Variants in FANCM observed in about 807,000 individuals in gnomAD.
FANCM encodes FA complementation group M.
In FANCM, 140 loss-of-function variants were observed where a neutral mutation model predicts 199.5. That is an observed-to-expected ratio of 0.70 (90% CI 0.61 to 0.81). The LOEUF (loss-of-function observed/expected upper bound fraction) is 0.81. Among genes scored for constraint, FANCM ranks in the 30% least tolerant of loss-of-function variants. The probability of loss-of-function intolerance (pLI) is 0.00; values close to 1 mark genes in which losing one functional copy is unlikely to be tolerated. For synonymous variants in FANCM, 840 were observed against 836.8 expected (o/e 1.00, Z -0.07); for missense variants, 2,410 against 2,421.4 (o/e 1.00, Z 0.10).
chr14:45,146,168 GAGGC>G (rs1566728811), intron 3 of FANCM, among the ~76,000 whole-genome samples: 1 of 150,550 alleles, frequency 6.6e-6, no homozygotes, highest in East Asian at 2.0e-4. Context: ...GTGAACCCGG[GAGGC>G]AGAGCTTGCA....
chr14:45,179,996 C>A (rs980083120), intron 14 of FANCM, among the ~76,000 whole-genome samples: 3 of 152,150 alleles, frequency 2.0e-5, no homozygotes, highest in Non-Finnish European at 2.9e-5. Context: ...CCTACAATTT[C>A]TTTGAGGCTC....
rs2139235396 is a variant in FANCM, at chr14:45,173,208, G to A, written c.2314G>A (p.Glu772Lys). Residue 772 changes from glutamate (E) to lysine (K), a missense_variant and splice_region_variant, in exon 13 of 23, where the codon GAG (glutamate) becomes AAG (lysine). Glu to Lys is a moderately conservative substitution (Grantham distance 56). Transcript: ENST00000267430. ...MQMIEGMRHE[E>K]GECSYELEVE... ...AATGATAGAGGGAATGAGACACGAA[G>A]AGGTGGGGTTTTATTGTAACTTTCT... 6.2e-7 allele frequency: 1 copy of A among 1,613,578 alleles called. No individual in the cohort carries two copies. Among genetic ancestry groups the A allele is most frequent in the Non-Finnish European group, 8.5e-7 (1 of 1,179,576 alleles).
rs1890057881 is a variant in FANCM, at chr14:45,196,384, T to C, written c.5553T>C (p.Asn1851=). Residue 1851 remains asparagine, a synonymous_variant, in exon 21 of 23, where the codon AAT becomes AAC. Coordinates refer to ENST00000267430, the MANE Select transcript of FANCM (RefSeq NM_020937.4). ...HGLQVEVCPL[N]GCDYIVSNRM... is the part of the protein sequence containing the mutation. The stretch of plus-strand genomic sequence containing the variant: ...TGCAAGTAGAAGTTTGTCCTCTTAA[T>C]GGCTGTGATTACATCGTGAGTAATC... The C allele has an allele frequency of 6.2e-7, 1 of 1,614,020 alleles. No individual in the cohort carries two copies. Among genetic ancestry groups the C allele is most frequent in the Admixed American group, 1.7e-5 (1 of 59,996 alleles).
chr14:45,198,995 T>C (rs746185163), intron 22 of FANCM, 60 bp downstream of exon 22: 87 of 1,364,192 alleles, frequency 6.4e-5, no homozygotes, highest in Non-Finnish European at 8.4e-5. Flanking sequence ...AAGCATTCCA[T>C]AGAAGTTTAA....
intron 20 of FANCM, among the ~76,000 whole-genome samples, chr14:45,194,504 C>A (rs1036086899): frequency 4.6e-4 from 70 of 152,130 alleles, no homozygotes; most frequent in Non-Finnish European, 8.4e-4. Flanking sequence ...CATACTTTAT[C>A]CCATCTTGAT....
At chr14:45,174,131 T>C (rs1272966185) in intron 13 of FANCM, among the ~76,000 whole-genome samples, 5 of 151,768 alleles carry the variant, frequency 3.3e-5, no homozygotes, top group Admixed American at 2.0e-4. Context: ...CTCATGCCTG[T>C]AATCTCAGGC....
Position 45,167,153 on chromosome 14 carries a change from C to G in FANCM, c.1992C>G (p.Ser664=). Residue 664 remains serine (S), a synonymous_variant, in exon 11 of 23, where the codon TCC becomes TCG. Coordinates refer to ENST00000267430, the MANE Select transcript of FANCM (RefSeq NM_020937.4). ...RNLQRKSSIF[S]YRDGMRQSSL... ...TGCAGCGAAAGTCATCTATCTTTTC[C>G]TATAGGGATGGTAAATAAATTTTGC... 2 of 1,603,956 alleles carry G rather than the reference C, an allele frequency of 1.2e-6. No homozygotes were observed. The highest frequency in any genetic ancestry group is 1.7e-6 in the Non-Finnish European group (2 of 1,170,834).
intron 3 of FANCM, among the ~76,000 whole-genome samples, chr14:45,142,414 C>T (rs980868150): frequency 4.0e-5 from 6 of 151,154 alleles, no homozygotes; most frequent in Non-Finnish European, 7.4e-5. Flanking sequence ...TCAAGCTATT[C>T]TCCTGCCTCA....
Position 45,175,267 on chromosome 14 carries a change from A to C in FANCM, c.2513A>C (p.Glu838Ala). 6.2e-7 allele frequency: 1 copy of C among 1,603,072 alleles called. No homozygotes were observed. Among genetic ancestry groups the C allele is most frequent in the Non-Finnish European group, 8.5e-7 (1 of 1,176,056 alleles). The change falls in exon 14 of 23, where the codon GAA becomes GCA. Residue 838 changes from glutamate to alanine, a missense_variant. Coordinates refer to ENST00000267430, the MANE Select transcript of FANCM (RefSeq NM_020937.4). The part of the protein sequence containing the change: ...SVIESDEECA[E>A]IVKQTHIKPT... ...ATAGAATCTGATGAAGAATGTGCTGAAATTGTTAAACAAACTCATATCAAA... is the reference window on the plus strand; with the variant it reads ...ATAGAATCTGATGAAGAATGTGCTGCAATTGTTAAACAAACTCATATCAAA...
rs760309916 is a variant in FANCM at position 45,175,606 on chromosome 14, A to G, written c.2852A>G (p.Asp951Gly). ...VLDSGYNSFN[D>G]EKSVSSNLFL... ...GATTCTGGTTATAACAGTTTCAATG[A>G]TGAAAAATCTGTTTCATCTAACTTA... Residue 951 changes from aspartate to glycine, a missense_variant, in exon 14 of 23, where the codon GAT becomes GGT. Coordinates refer to ENST00000267430, the MANE Select transcript of FANCM (RefSeq NM_020937.4). The G allele has an allele frequency of 1.9e-6, 3 of 1,613,576 alleles. No homozygotes were observed. The East Asian group carries it at 6.7e-5, about 36-fold the overall frequency.
Position 45,159,162 on chromosome 14 carries a change from G to T in FANCM, c.1463G>T (p.Ser488Ile). The T allele has an allele frequency of 6.2e-7, 1 of 1,613,326 alleles. No homozygotes were observed. Among genetic ancestry groups the T allele is most frequent in the Non-Finnish European group, 8.5e-7 (1 of 1,179,400 alleles). ...ATGATCTTCTCTTCATTTCGAGATAGTGTTCAAGAAATTGCAGAAATGCTT... is the reference window on the plus strand; with the variant it reads ...ATGATCTTCTCTTCATTTCGAGATATTGTTCAAGAAATTGCAGAAATGCTT... ...RVMIFSSFRD[S>I]VQEIAEMLSQ... The change falls in exon 9 of 23, where the codon AGT becomes ATT. Residue 488 changes from serine (S) to isoleucine (I), a missense_variant. Ser to Ile is a moderately radical substitution (Grantham distance 142). Transcript: ENST00000267430.
At chr14:45,147,842 G>A (rs1886518671) in intron 3 of FANCM, among the ~76,000 whole-genome samples, 1 of 150,882 alleles carries the variant, frequency 6.6e-6, no homozygotes, top group Non-Finnish European at 1.5e-5. Context: ...GCAATAACCT[G>A]AGATAGATTG....
In FANCM at chr14:45,198,786, A is replaced by C; in HGVS notation, c.5859A>C (p.Gln1953His). 1 of 1,614,078 alleles carries C rather than the reference A, an allele frequency of 6.2e-7. No homozygotes were observed. The highest frequency in any genetic ancestry group is 1.1e-5 in the South Asian group (1 of 91,084). ...DLLKELSLVE[Q>H]RKNVGIHVPT... ...TAAAGGAACTGTCTTTAGTGGAACAAAGAAAGAATGTTGGTATTCATGTTC... is the reference window on the plus strand; with the variant it reads ...TAAAGGAACTGTCTTTAGTGGAACACAGAAAGAATGTTGGTATTCATGTTC... The change falls in exon 22 of 23, where the codon CAA (glutamine) becomes CAC (histidine). Residue 1953 changes from glutamine (Q) to histidine (H), a missense_variant. By Grantham distance (24) the Gln-to-His change is conservative. Transcript: ENST00000267430.
chr14:45,183,719 T>C, intron 16 of FANCM, 55 bp from the exon 17 acceptor site: 1 of 1,320,770 alleles, frequency 7.6e-7, no homozygotes, highest in Non-Finnish European at 1.1e-6. Context: ...CAATTTTACT[T>C]GTCTAGGAAG....
At chr14:45,142,308 C>CTT (rs747693010) in intron 3 of FANCM, among the ~76,000 whole-genome samples, 15 of 137,628 alleles carry the variant, frequency 1.1e-4, no homozygotes, top group East Asian at 2.1e-4. Flanking sequence ...CCTCTTTTTT[C>CTT]TTTTTTTTTT....
Position 45,159,036 on chromosome 14 carries a change from T to A in FANCM, c.1397-60T>A. On this transcript the variant is annotated intron_variant, in intron 8 of 22. Coordinates refer to ENST00000267430, the MANE Select transcript of FANCM (RefSeq NM_020937.4). ...ACACTTTCAGGTTTGTCTTTTGAAC[T>A]ATTTCTTGTCTAAATGCTTTGTAAA... The A allele has an allele frequency of 5.6e-6, 6 of 1,065,972 alleles. No homozygotes were observed. The East Asian group carries it at 1.6e-4, about 28-fold the overall frequency. The allele number at this position is 1,065,972 out of a possible 1,614,324, so 66.0% of individuals were successfully genotyped here. A position where few individuals can be genotyped will look rare whatever the true frequency, so the allele number is the denominator to read the frequency against.
At position 45,175,336 on chromosome 14, in the gene FANCM, TAAAA is replaced by T. The variant is rs768006618; in HGVS notation, c.2586_2589del (p.Lys863IlefsTer12). Reference sequence around the variant, plus strand: ...TTAAAGAAAAAAGTGTCTAAAGAAATAAAAAAAGATCAGCTTAAAAAAGAAAATA... The same window carrying T: ...TTAAAGAAAAAAGTGTCTAAAGAAATAAAGATCAGCTTAAAAAAGAAAATA... On this transcript the variant is annotated frameshift_variant, in exon 14 of 23. Transcript: ENST00000267430. LOFTEE classifies it high-confidence loss of function. 30 of 1,555,718 alleles carry T rather than the reference TAAAA, an allele frequency of 1.9e-5. No individual in the cohort carries two copies. Among genetic ancestry groups the T allele is most frequent in the Admixed American group, 1.8e-4 (9 of 49,476 alleles).
intron 9 of FANCM, among the ~76,000 whole-genome samples, chr14:45,162,857 C>T (rs949561320): frequency 1.3e-5 from 2 of 151,798 alleles, no homozygotes; most frequent in African/African-American, 4.8e-5. Context: ...GTATCTAGCA[C>T]TGTGGCCTTT....
intron 14 of FANCM, among the ~76,000 whole-genome samples, chr14:45,179,753 G>T (rs1343150275): frequency 6.6e-6 from 1 of 151,582 alleles, no homozygotes; most frequent in East Asian, 1.9e-4. Flanking sequence ...GTAGAGATGG[G>T]GTATCACCAT....
Sources: allele counts gnomAD v4.1 joint callset (sites outside exome capture counted in the v4.1 genomes callset), GRCh38; gene constraint gnomAD v4.1.1; transcripts MANE v1.5; gene names NCBI Gene and HGNC (gene_info 2026-07-23, HGNC 2026-07-21).